LRRC53: variants seen among roughly 807,000 people sequenced by gnomAD.
LRRC53 encodes the protein leucine-rich repeat-containing protein 53.
A neutral mutation model predicts 13.6 loss-of-function variants in LRRC53; 25 were observed. The observed-to-expected ratio is 1.83, with a 90% CI of 1.34 to 2.56. The LOEUF (loss-of-function observed/expected upper bound fraction) is 2.56, where lower values mean the gene tolerates loss of function less well. Among genes scored for constraint, LRRC53 ranks in the 30% most tolerant of loss-of-function variants. The probability of loss-of-function intolerance (pLI) is 0.00; values close to 1 mark genes in which losing one functional copy is unlikely to be tolerated. For synonymous variants in LRRC53, 204 were observed against 109.8 expected, an observed-to-expected ratio of 1.86 and a Z score of -5.37; for missense variants, 527 against 275.8, an observed-to-expected ratio of 1.91 and a Z score of -6.45.
chr1:74,525,119 T>C, the LRRC53 span, among the ~76,000 whole-genome samples: 3,428 of 152,156 alleles, frequency 0.023, 62 homozygotes, highest in Middle Eastern at 0.088. Flanking sequence ...TAACCAAGTA[T>C]TGGGGAGAGA....
At chr1:74,524,363 A>T in the LRRC53 span, among the ~76,000 whole-genome samples, 882 of 152,282 alleles carry the variant, frequency 5.8e-3, 5 homozygotes, top group African/African-American at 0.02. Context: ...AGCAAAGTGC[A>T]AGTCTTCTGC....
intron 3 of LRRC53, among the ~76,000 whole-genome samples, chr1:74,476,274 C>T (rs967354329): frequency 2.6e-5 from 4 of 152,000 alleles, no homozygotes; most frequent in Non-Finnish European, 2.9e-5. Context: ...ACCCATGTGC[C>T]GACTCTAACC....
rs895898159 is a variant in LRRC53, at chr1:74,478,749, C to T, written c.904+1404G>A. ...TGAACCCCACCATCTATTGCCTATG[C>T]GTGCATCTGTGTGTTTTTATTGGGA... On this transcript the variant is annotated intron_variant, in intron 3 of 4. Transcript: ENST00000294635. 3.9e-5 allele frequency among the ~76,000 whole-genome samples: 6 copies of T among 152,166 alleles called. No individual in the cohort carries two copies. The East Asian group carries it at 7.7e-4, about 20-fold the overall frequency.
At chr1:74,536,717 T>C in the LRRC53 span, among the ~76,000 whole-genome samples, 1 of 152,190 alleles carries the variant, frequency 6.6e-6, no homozygotes, top group African/African-American at 2.4e-5. Flanking sequence ...CTATCTATGA[T>C]ATATATCATC....
At chr1:74,485,315 C>T (rs1668699141) in intron 1 of LRRC53, among the ~76,000 whole-genome samples, 1 of 152,282 alleles carries the variant, frequency 6.6e-6, no homozygotes, top group Non-Finnish European at 1.5e-5. Context: ...AAGAACAATG[C>T]CCTGCATGGG....
the LRRC53 span, among the ~76,000 whole-genome samples, chr1:74,518,656 G>A: frequency 1.3e-5 from 2 of 152,134 alleles, no homozygotes; most frequent in East Asian, 3.9e-4. Flanking sequence ...ATAATGCATC[G>A]CTAATAGTGT....
chr1:74,489,546 T>C (rs953994999), intron 1 of LRRC53, among the ~76,000 whole-genome samples: 1 of 152,210 alleles, frequency 6.6e-6, no homozygotes, highest in Non-Finnish European at 1.5e-5. Flanking sequence ...ACAAATACAT[T>C]AGAAGGTAAT....
the LRRC53 span, among the ~76,000 whole-genome samples, chr1:74,535,349 T>G: frequency 6.6e-6 from 1 of 152,102 alleles, no homozygotes; most frequent in Admixed American, 6.6e-5. Context: ...CACATGCCTG[T>G]AATCCCAGCT....
chr1:74,499,930 A>G (rs1240534753), intron 1 of LRRC53, among the ~76,000 whole-genome samples: 1 of 152,098 alleles, frequency 6.6e-6, no homozygotes, highest in Non-Finnish European at 1.5e-5. Flanking sequence ...TTGCAAACAT[A>G]TTATTTTATT....
chr1:74,536,856 T>G, the LRRC53 span, among the ~76,000 whole-genome samples: 1 of 152,214 alleles, frequency 6.6e-6, no homozygotes, highest in Non-Finnish European at 1.5e-5. Context: ...GCTGCATCAC[T>G]GTATTTTCAC....
chr1:74,475,942 T>C, intron 3 of LRRC53, 132 bp from the exon 4 acceptor site: 1 of 449,898 alleles, frequency 2.2e-6, no homozygotes, highest in Admixed American at 3.8e-5. Flanking sequence ...TCCTTCACCA[T>C]TTGGAAAAAT....
chr1:74,470,873 C>G lies in LRRC53; in HGVS notation c.2749G>C (p.Glu917Gln). ...HMGQNVSKTS[E>Q]LNQFSLSPRN... ...GGGGACAAAGAAAACTGATTTAACT[C>G]ACTGGTCTTTGATACATTCTGTCCC... Residue 917 changes from glutamate to glutamine, a missense_variant, in exon 5 of 5, where the codon GAG becomes CAG. Physicochemically the swap from Glu to Gln is conservative, Grantham distance 29. Transcript: ENST00000294635. 1 of 400,718 alleles carries G rather than the reference C, an allele frequency of 2.5e-6. No homozygotes were observed. The highest frequency in any genetic ancestry group is 4.4e-6 in the Non-Finnish European group (1 of 226,198). The allele number at this position is 400,718 out of a possible 1,614,324, so 24.8% of individuals were successfully genotyped here.
chr1:74,528,678 A>G, the LRRC53 span, among the ~76,000 whole-genome samples: 1 of 152,222 alleles, frequency 6.6e-6, no homozygotes, highest in South Asian at 2.1e-4. Flanking sequence ...GTTGCTGGAA[A>G]CTTATGCTTT....
At chr1:74,511,525 G>A (rs562639082) in intron 1 of LRRC53, among the ~76,000 whole-genome samples, 2 of 152,118 alleles carry the variant, frequency 1.3e-5, no homozygotes, top group South Asian at 2.1e-4. Flanking sequence ...TCCCTATTAC[G>A]CTAGCCTCTT....
the LRRC53 span, among the ~76,000 whole-genome samples, chr1:74,522,460 T>C: frequency 6.6e-6 from 1 of 152,254 alleles, no homozygotes; most frequent in Non-Finnish European, 1.5e-5. Context: ...ACTTCCAGAA[T>C]GGTGCTTGGG....
At chr1:74,483,056 C>T (rs274584) in intron 2 of LRRC53, among the ~76,000 whole-genome samples, 68,008 of 152,084 alleles carry the variant, frequency 0.45, 17,545 homozygotes, top group East Asian at 0.67. Flanking sequence ...TCAGTTACCT[C>T]TGAAGGTCTT....
chr1:74,504,927 G>A (rs1195480481), intron 1 of LRRC53, among the ~76,000 whole-genome samples: 2 of 152,216 alleles, frequency 1.3e-5, no homozygotes, highest in Non-Finnish European at 2.9e-5. Context: ...CACATGAAGA[G>A]AACCTGCGAA....
At chr1:74,504,874 C>A (rs1347420785) in intron 1 of LRRC53, among the ~76,000 whole-genome samples, 1 of 152,160 alleles carries the variant, frequency 6.6e-6, no homozygotes, top group African/African-American at 2.4e-5. Flanking sequence ...GAGTGCATTT[C>A]CCTCTTCAAG....
intron 1 of LRRC53, among the ~76,000 whole-genome samples, chr1:74,504,617 C>T (rs756421592): frequency 2.0e-5 from 3 of 151,976 alleles, no homozygotes; most frequent in South Asian, 4.1e-4. Flanking sequence ...AAGAGCCCTA[C>T]GTGTGTAAAA....
Sources: gnomAD v4.1 joint callset for allele counts (sites outside exome capture counted in the v4.1 genomes callset) on GRCh38, gnomAD v4.1.1 for gene constraint, MANE v1.5 for transcripts, NCBI Gene and HGNC (gene_info 2026-07-23, HGNC 2026-07-21) for gene names.